The following GALNTL6 variants were observed in gnomAD, a reference collection of about 807,000 sequenced individuals.
GALNTL6 encodes polypeptide N-acetylgalactosaminyltransferase like 6, also known as polypeptide N-acetylgalactosaminyltransferase-like 6.
A neutral mutation model predicts 73.7 loss-of-function variants in GALNTL6; 46 were observed. The observed-to-expected ratio is 0.62, with a 90% CI of 0.49 to 0.80. GALNTL6 has a LOEUF of 0.80. Ranked by LOEUF, GALNTL6 falls within the 30% of genes least tolerant of loss-of-function variation. The pLI, the probability that GALNTL6 is intolerant of heterozygous loss-of-function variation, is 0.00. For missense variants in GALNTL6, 604 were observed against 755.0 expected (o/e 0.80, Z 2.34); for synonymous variants, 259 against 263.7 (o/e 0.98, Z 0.17).
intron 5 of GALNTL6, among the ~76,000 whole-genome samples, chr4:172,774,082 A>G (rs1738930273): frequency 1.3e-5 from 2 of 152,250 alleles, no homozygotes; most frequent in Admixed American, 1.3e-4. Flanking sequence ...TCTGGTGTCA[A>G]TGAAGAGCGA....
chr4:172,919,308 A>G (rs1747679043), intron 8 of GALNTL6, among the ~76,000 whole-genome samples: 1 of 152,156 alleles, frequency 6.6e-6, no homozygotes, highest in Admixed American at 6.5e-5. Flanking sequence ...TTTGCTCTGA[A>G]TGTCTCCCCA....
At position 171,878,165 on chromosome 4, in the gene GALNTL6, T is replaced by G. The variant is rs577619712; in HGVS notation, c.138+63447T>G. Among the ~76,000 whole-genome samples the G allele has an allele frequency of 5.9e-5, 9 of 152,334 alleles. No homozygotes were observed. In the East Asian group the frequency reaches 1.7e-3, roughly 29 times the overall value. On this transcript the variant is annotated intron_variant, in intron 2 of 12. Transcript: ENST00000506823. ...TTGTTTCTTGGTTATGATTTCAAGA[T>G]ATGTCATATCTGGATAGTTAACCGT...
intron 10 of GALNTL6, among the ~76,000 whole-genome samples, chr4:172,992,071 C>CA (rs1751568529): frequency 6.6e-6 from 1 of 152,112 alleles, no homozygotes; most frequent in Non-Finnish European, 1.5e-5. Context: ...AAGCTAGACC[C>CA]AAAAAACCAA....
rs370660556 is a variant in GALNTL6, at chr4:172,656,737, T to G, written c.554-152624T>G. On this transcript the variant is annotated intron_variant, in intron 5 of 12. Coordinates refer to ENST00000506823, the MANE Select transcript of GALNTL6 (RefSeq NM_001034845.3). ...CAATCCTGAGAGCCTAAGCACTCCT[T>G]AAAGTTTCCCTTTAATTCTAACAAA... is the stretch of plus-strand genomic sequence containing the variant. 8.5e-5 allele frequency among the ~76,000 whole-genome samples: 13 copies of G among 152,344 alleles called. No individual in the cohort carries two copies. In the East Asian group the frequency reaches 9.6e-4, roughly 11 times the overall value.
intron 2 of GALNTL6, among the ~76,000 whole-genome samples, chr4:172,179,576 G>GTGTC (rs1419330435): frequency 2.1e-5 from 3 of 142,378 alleles, no homozygotes; most frequent in Non-Finnish European, 4.5e-5. Context: ...AGATGAGTAG[G>GTGTC]TTGCAAAAAT....
chr4:172,722,191 C>T (rs1170481033), intron 5 of GALNTL6, among the ~76,000 whole-genome samples: 1 of 151,970 alleles, frequency 6.6e-6, no homozygotes, highest in Admixed American at 6.6e-5. Flanking sequence ...TCAGCCTCAC[C>T]ACTAAAATTA....
At chr4:172,937,146 G>T (rs1748662624) in intron 9 of GALNTL6, among the ~76,000 whole-genome samples, 1 of 152,018 alleles carries the variant, frequency 6.6e-6, no homozygotes, top group Non-Finnish European at 1.5e-5. Flanking sequence ...TTTACTCCTT[G>T]ACTGTAGGGC....
chr4:173,027,345 AATAGAT>A (rs1434921656), intron 12 of GALNTL6, among the ~76,000 whole-genome samples: 196 of 152,344 alleles, frequency 1.3e-3, no homozygotes, highest in African/African-American at 4.6e-3. Flanking sequence ...CAGAGATAGA[AATAGAT>A]ATAGATATAT....
intron 7 of GALNTL6, among the ~76,000 whole-genome samples, chr4:172,843,290 C>G (rs1251602159): frequency 6.6e-6 from 1 of 152,210 alleles, no homozygotes; most frequent in Non-Finnish European, 1.5e-5. Context: ...TCTGTTCTGC[C>G]TCTTTCCAAG....
Position 173,022,224 on chromosome 4 carries a change from G to GAAGGAAGT in GALNTL6, c.1638+602_1638+603insGAAGTAAG, listed in dbSNP as rs1197507624. Among the ~76,000 whole-genome samples, 248 of 133,504 alleles carry GAAGGAAGT rather than the reference G, an allele frequency of 1.9e-3. 1 individual carries two copies. The highest frequency in any genetic ancestry group is 3.8e-3 in the Middle Eastern group (1 of 262). 87.6% of individuals were successfully genotyped at this position (133,504 alleles called of 152,430 possible). ...GGAAGGAAGGAAGGAAGGAAGGAAG[G>GAAGGAAGT]AAGTTTTGAAAGTTTTACCTAGTCA... On this transcript the variant is annotated intron_variant, in intron 12 of 12. Coordinates refer to ENST00000506823, the MANE Select transcript of GALNTL6 (RefSeq NM_001034845.3).
At chr4:172,579,282 AT>A (rs1737075827) in intron 5 of GALNTL6, among the ~76,000 whole-genome samples, 2 of 152,154 alleles carry the variant, frequency 1.3e-5, no homozygotes, top group South Asian at 4.1e-4. Context: ...TATAATCAAA[AT>A]TTTTTCAACG....
chr4:172,526,318 C>T (rs1734951242), intron 5 of GALNTL6, among the ~76,000 whole-genome samples: 3 of 152,156 alleles, frequency 2.0e-5, no homozygotes, highest in South Asian at 2.1e-4. Context: ...ACTGGAGCTT[C>T]TTCTCTATCC....
At chr4:172,977,590 T>C (rs1750875004) in intron 10 of GALNTL6, among the ~76,000 whole-genome samples, 1 of 152,172 alleles carries the variant, frequency 6.6e-6, no homozygotes, top group African/African-American at 2.4e-5. Flanking sequence ...TTGGAAAGTT[T>C]GGTGCAGAAT....
At chr4:172,223,180 G>T (rs1401869109) in intron 2 of GALNTL6, among the ~76,000 whole-genome samples, 5 of 151,856 alleles carry the variant, frequency 3.3e-5, no homozygotes, top group Admixed American at 1.3e-4. Context: ...TTTTAGCAAC[G>T]GATACCAGTT....
At position 172,247,321 on chromosome 4, in the gene GALNTL6, C is replaced by A. The variant is rs898279178; in HGVS notation, c.247+17557C>A. On this transcript the variant is annotated intron_variant, in intron 3 of 12. Coordinates refer to ENST00000506823, the MANE Select transcript of GALNTL6 (RefSeq NM_001034845.3). The stretch of plus-strand genomic sequence containing the variant: ...TATCATCATGTCCCTAAAGCATTAT[C>A]CCCTATTTTTCACAGCCTTCTGAAA... 7.9e-5 allele frequency among the ~76,000 whole-genome samples: 12 copies of A among 152,262 alleles called. No individual in the cohort carries two copies. The East Asian group carries it at 1.2e-3, about 15-fold the overall frequency.
At chr4:171,885,437 G>A (rs1736581755) in intron 2 of GALNTL6, among the ~76,000 whole-genome samples, 1 of 152,086 alleles carries the variant, frequency 6.6e-6, no homozygotes, top group Non-Finnish European at 1.5e-5. Context: ...ACTCTTCATT[G>A]GCTGCAAATG....
At chr4:172,222,064 A>G (rs1736694858) in intron 2 of GALNTL6, among the ~76,000 whole-genome samples, 1 of 151,848 alleles carries the variant, frequency 6.6e-6, no homozygotes. Context: ...AATATAGGAG[A>G]AAAGGGGATC....
chr4:172,134,406 T>C (rs573703238), intron 2 of GALNTL6, among the ~76,000 whole-genome samples: 1 of 149,430 alleles, frequency 6.7e-6, no homozygotes, highest in Non-Finnish European at 1.5e-5. Context: ...GTAGTAACAG[T>C]GGACATGAGA....
intron 8 of GALNTL6, among the ~76,000 whole-genome samples, chr4:172,917,552 G>A (rs1344626744): frequency 2.6e-5 from 4 of 151,890 alleles, no homozygotes; most frequent in African/African-American, 4.8e-5. Flanking sequence ...AAATTTACAC[G>A]AAAAAAACAA....
Sources: gnomAD v4.1 joint callset for allele counts (sites outside exome capture counted in the v4.1 genomes callset) on GRCh38, gnomAD v4.1.1 for gene constraint, MANE v1.5 for transcripts, NCBI Gene and HGNC (gene_info 2026-07-23, HGNC 2026-07-21) for gene names.